The following PABIR3 variants were observed in gnomAD, a reference collection of about 807,000 sequenced individuals.
PABIR3 encodes PABIR family member 3.
Under a neutral mutation model 23.1 loss-of-function variants are expected in PABIR3, and 20 were observed. The observed-to-expected ratio is 0.86, with a 90% CI of 0.61 to 1.26. PABIR3 has a LOEUF of 1.26. PABIR3 is among the 50% of genes most tolerant of loss of function. PABIR3 has a pLI of 0.00. For missense variants in PABIR3, 189 were observed against 195.4 expected, an observed-to-expected ratio of 0.97 and a Z score of 0.20; for synonymous variants, 69 against 68.5, an observed-to-expected ratio of 1.01 and a Z score of -0.04.
At chrX:134,830,214 A>G in intron 4 of PABIR3, among the ~76,000 whole-genome samples, 1 of 109,634 alleles carries the variant, frequency 9.1e-6, no homozygotes, top group Non-Finnish European at 1.9e-5. Flanking sequence ...CCTAGTTATT[A>G]GTCCTCCAAC....
chrX:134,817,857 G>A (rs2081066194), intron 3 of PABIR3, among the ~76,000 whole-genome samples: 1 of 111,140 alleles, frequency 9.0e-6, no homozygotes, highest in South Asian at 3.8e-4. Context: ...TTAAAAGATT[G>A]CCCTGGCTGC....
intron 4 of PABIR3, chrX:134,839,412 C>T (rs1350685015): frequency 6.4e-5 from 7 of 109,351 alleles, no homozygotes; most frequent in Non-Finnish European, 1.0e-4. Context: ...GGAGACCCTC[C>T]GCCTGGCAAC....
chrX:134,823,419 A>G (rs952502831), intron 3 of PABIR3, among the ~76,000 whole-genome samples: 8 of 111,097 alleles, frequency 7.2e-5, no homozygotes, highest in African/African-American at 2.3e-4. Context: ...TATATTGTGA[A>G]TTTTCTGGGC....
intron 8 of PABIR3, among the ~76,000 whole-genome samples, chrX:134,848,365 G>A (rs1456207359): frequency 5.5e-5 from 6 of 108,915 alleles, no homozygotes; most frequent in Non-Finnish European, 1.1e-4. Flanking sequence ...CCTCCAGCCT[G>A]GGCAACAAGA....
At chrX:134,846,630 T>C (rs7058561) in intron 6 of PABIR3, among the ~76,000 whole-genome samples, 13,970 of 111,483 alleles carry the variant, frequency 0.13, 1,222 homozygotes, top group African/African-American at 0.32. Flanking sequence ...GCAATGGCAT[T>C]TTATTTTCCT....
intron 4 of PABIR3, among the ~76,000 whole-genome samples, chrX:134,843,235 C>G (rs948554581): frequency 3.6e-5 from 4 of 110,896 alleles, no homozygotes; most frequent in African/African-American, 1.3e-4. Flanking sequence ...TGATGAAGAC[C>G]AGTTTATCTG....
upstream of PABIR3, chrX:134,807,216 A>C (rs2148081553): frequency 1.2e-6 from 1 of 834,298 alleles, no homozygotes; most frequent in Non-Finnish European, 1.4e-6. Flanking sequence ...TGATTGTCAA[A>C]GGCGGCAGAT....
rs952298142 is a variant in PABIR3 at position 134,813,363 on chromosome X, A to G, written c.111-1408A>G. On this transcript the variant is annotated intron_variant, in intron 2 of 10. Coordinates refer to ENST00000645433, the MANE Select transcript of PABIR3 (RefSeq NM_001388447.1). Reference sequence around the variant, plus strand: ...GGGAAAGAAGAGAGGCGAGGAGCCCAATTAGACTATGCAGTCTGTGGAAAA... The same window carrying G: ...GGGAAAGAAGAGAGGCGAGGAGCCCGATTAGACTATGCAGTCTGTGGAAAA... Among the ~76,000 whole-genome samples the G allele has an allele frequency of 4.4e-5, 5 of 112,380 alleles. No individual in the cohort carries two copies. The East Asian group carries it at 1.4e-3, about 31-fold the overall frequency.
intron 2 of PABIR3, chrX:134,811,299 A>T: frequency 3.8e-6 from 1 of 266,510 alleles, no homozygotes. Context: ...TCTGACCCTT[A>T]TTCAAAGACT....
chrX:134,856,729 G>A (rs1258393228), downstream of PABIR3, among the ~76,000 whole-genome samples: 3 of 109,876 alleles, frequency 2.7e-5, no homozygotes, highest in East Asian at 8.7e-4. Context: ...ATGGTAAGGC[G>A]GCCGGGCACA....
chrX:134,828,716 C>G (rs1469070128), intron 3 of PABIR3, among the ~76,000 whole-genome samples: 1 of 111,777 alleles, frequency 8.9e-6, no homozygotes, highest in Non-Finnish European at 1.9e-5. Flanking sequence ...AAAGTGATTA[C>G]CTTAGAGTCA....
At chrX:134,858,027 A>T (rs1349477406), downstream of PABIR3, among the ~76,000 whole-genome samples, 1 of 111,679 alleles carries the variant, frequency 9.0e-6, no homozygotes, top group African/African-American at 3.2e-5. Flanking sequence ...CTATCATAAC[A>T]TGACTATAGA....
intron 4 of PABIR3, among the ~76,000 whole-genome samples, chrX:134,834,867 A>G (rs187863415): frequency 9.0e-6 from 1 of 110,900 alleles, no homozygotes; most frequent in Non-Finnish European, 1.9e-5. Context: ...CCATTGGTCT[A>G]TATCTCTGTT....
intron 4 of PABIR3, among the ~76,000 whole-genome samples, chrX:134,841,790 C>T (rs1022428422): frequency 9.1e-6 from 1 of 110,373 alleles, no homozygotes; most frequent in African/African-American, 3.3e-5. Context: ...GATCGTGTCA[C>T]TGCTCTCCAG....
intron 3 of PABIR3, among the ~76,000 whole-genome samples, chrX:134,819,203 G>T (rs1404570660): frequency 9.0e-6 from 1 of 110,569 alleles, no homozygotes; most frequent in African/African-American, 3.3e-5. Context: ...CCAAAGTACT[G>T]GGATTACAGG....
At chrX:134,826,268 T>C (rs1012743791) in intron 3 of PABIR3, among the ~76,000 whole-genome samples, 6 of 111,554 alleles carry the variant, frequency 5.4e-5, no homozygotes, top group Non-Finnish European at 1.1e-4. Flanking sequence ...GCCAAGCACT[T>C]TCACTTTTCT....
In PABIR3 at chrX:134,842,595, G is replaced by A. The variant is rs1436774742; in HGVS notation, c.247-2610G>A. 7.3e-5 allele frequency among the ~76,000 whole-genome samples: 8 copies of A among 110,186 alleles called. No homozygotes were observed. In the East Asian group the frequency reaches 2.3e-3, roughly 32 times the overall value. On this transcript the variant is annotated intron_variant, in intron 4 of 10. Transcript: ENST00000645433. ...TGCATTCCAGCCTAGGCAACAGAGCGAGACTCCGTCTCAAAAAAAAGTCCG... is the reference window on the plus strand; with the variant it reads ...TGCATTCCAGCCTAGGCAACAGAGCAAGACTCCGTCTCAAAAAAAAGTCCG...
upstream of PABIR3, among the ~76,000 whole-genome samples, chrX:134,802,716 G>T (rs1461156178): frequency 8.9e-6 from 1 of 112,710 alleles, no homozygotes; most frequent in Non-Finnish European, 1.9e-5. Context: ...GATAGGAGAG[G>T]GCCTTCTTCC....
At chrX:134,796,878 G>T (rs1032341654) in intron 1 of PABIR3, 1 of 111,885 alleles carries the variant, frequency 8.9e-6, no homozygotes, top group Non-Finnish European at 1.9e-5. Flanking sequence ...GGACCCGGCC[G>T]GGCGGCCTTG....
Sources: gnomAD v4.1 joint callset for allele counts (sites outside exome capture counted in the v4.1 genomes callset) on GRCh38, gnomAD v4.1.1 for gene constraint, MANE v1.5 for transcripts, NCBI Gene and HGNC (gene_info 2026-07-23, HGNC 2026-07-21) for gene names.